ITSN1: variants seen among roughly 807,000 people sequenced by gnomAD.
The protein encoded by ITSN1 is intersectin 1.
Under a neutral mutation model 239.8 loss-of-function variants are expected in ITSN1, and 58 were observed. That is an observed-to-expected ratio of 0.24 (90% CI 0.20 to 0.30). ITSN1 has a LOEUF of 0.30. Among genes scored for constraint, ITSN1 ranks in the 10% least tolerant of loss-of-function variants. The pLI, the probability that ITSN1 is intolerant of heterozygous loss-of-function variation, is 1.00. For synonymous variants in ITSN1, 780 were observed against 770.8 expected (o/e 1.01, Z -0.20); for missense variants, 1,558 against 2,103.3 (o/e 0.74, Z 5.07).
At position 33,689,805 on chromosome 21, in the gene ITSN1, T is replaced by G. The variant is rs141967404; in HGVS notation, c.-32-28992T>G. On this transcript the variant is annotated intron_variant, in intron 1 of 39. Transcript: ENST00000381318. ...CAACATAGTGAAACCCTGTCTCTAC[T>G]GAAAATACAAAAGTTAGCCGGGCAT... Among the ~76,000 whole-genome samples the G allele has an allele frequency of 7.2e-3, 1,083 of 150,248 alleles. 14 individuals are homozygous for G. Among genetic ancestry groups the G allele is most frequent in the African/African-American group, 0.025 (1,028 of 40,804 alleles).
chr21:33,727,325 C>T (rs546046800), intron 4 of ITSN1, among the ~76,000 whole-genome samples: 11 of 151,736 alleles, frequency 7.2e-5, no homozygotes, highest in South Asian at 4.2e-4. Context: ...GAAGAAGAGA[C>T]GGGGTGAAGA....
At chr21:33,784,212 G>A (rs2070438811) in intron 16 of ITSN1, among the ~76,000 whole-genome samples, 1 of 151,940 alleles carries the variant, frequency 6.6e-6, no homozygotes, top group African/African-American at 2.4e-5. Context: ...GGTGGCATGT[G>A]CCTGTAATCC....
chr21:33,846,397 C>T (rs2074991079), intron 29 of ITSN1, among the ~76,000 whole-genome samples: 2 of 152,238 alleles, frequency 1.3e-5, no homozygotes, highest in African/African-American at 4.8e-5. Context: ...TACATAGATA[C>T]TCTTACCTCC....
rs1981349193 is a variant in ITSN1, at chr21:33,865,214, C to A, written c.3954C>A (p.Ile1318=). The A allele has an allele frequency of 6.2e-7, 1 of 1,613,942 alleles. No individual in the cohort carries two copies. Among genetic ancestry groups the A allele is most frequent in the East Asian group, 2.2e-5 (1 of 44,866 alleles). ...TGCCTGTGAAGATGATTGGAGACAT[C>A]CTGAGCGCACAGCTGCCGCACATGC... is the stretch of plus-strand genomic sequence containing the variant. ...EKMPVKMIGD[I]LSAQLPHMQP... Residue 1318 remains isoleucine (I), a synonymous_variant, in exon 32 of 40, where the codon ATC becomes ATA. Coordinates refer to ENST00000381318, the MANE Select transcript of ITSN1 (RefSeq NM_003024.3). The surrounding 1 kb of genome is among the most constrained non-coding windows in gnomAD (Gnocchi z 4.4).
Position 33,888,309 on chromosome 21 carries a change from C to T in ITSN1, c.*9C>T, listed in dbSNP as rs1305997038. 6.8e-6 allele frequency: 11 copies of T among 1,608,976 alleles called. No individual in the cohort carries two copies. The highest frequency in any genetic ancestry group is 9.3e-6 in the Non-Finnish European group (11 of 1,177,404). ...TGTTTGATGAGCCGTAGGCAGCGGGCTCAGGGTGTGCTCAGCAGGGTCCCA... is the reference window on the plus strand; with the variant it reads ...TGTTTGATGAGCCGTAGGCAGCGGGTTCAGGGTGTGCTCAGCAGGGTCCCA... On this transcript the variant is annotated 3_prime_UTR_variant, in exon 40 of 40. Transcript: ENST00000381318.
intron 28 of ITSN1, 69 bp from the exon 29 acceptor site, chr21:33,836,372 G>A: frequency 8.7e-7 from 1 of 1,145,988 alleles, no homozygotes; most frequent in Non-Finnish European, 1.2e-6. Flanking sequence ...AATGTTGAAT[G>A]GCTGCGCGGT....
chr21:33,782,023 T>G lies in ITSN1; in HGVS notation c.1714T>G (p.Leu572Val), dbSNP rs1196716416. Residue 572 changes from leucine to valine, a missense_variant, in exon 16 of 40, where the codon TTA (leucine) becomes GTA (valine). Around this residue, in one of 2 missense-constraint regions of ITSN1, gnomAD observed 982 missense variants for 1,209.9 expected, o/e 0.81. Coordinates refer to ENST00000381318, the MANE Select transcript of ITSN1 (RefSeq NM_003024.3). The part of the protein sequence containing the change: ...RDSLVTLKRA[L>V]EAKELARQHL... ...TTCACTTGTTACACTTAAAAGAGCC[T>G]TAGAAGCAAAAGAACTAGCTCGGCA... The G allele has an allele frequency of 1.9e-6, 3 of 1,612,840 alleles. No homozygotes were observed. The highest frequency in any genetic ancestry group is 1.7e-6 in the Non-Finnish European group (2 of 1,179,698).
intron 1 of ITSN1, among the ~76,000 whole-genome samples, chr21:33,697,399 A>C (rs905658226): frequency 6.6e-6 from 1 of 151,890 alleles, no homozygotes; most frequent in African/African-American, 2.4e-5. Flanking sequence ...TCTCTTCTTT[A>C]GTGACTGTAT....
intron 28 of ITSN1, 128 bp downstream of exon 28, chr21:33,834,552 G>A: frequency 1.5e-6 from 1 of 688,114 alleles, no homozygotes. Context: ...GTACTTGCTG[G>A]GACTGACACC....
In ITSN1 at chr21:33,767,768, A is replaced by C; in HGVS notation, c.982A>C (p.Arg328=). ...SVISSTSVDQ[R]LPEEPVLEDE... ...CATAAGCTCAACATCTGTAGATCAGAGGCTACCAGAGGAACCAGTTTTAGA... is the reference window on the plus strand; with the variant it reads ...CATAAGCTCAACATCTGTAGATCAGCGGCTACCAGAGGAACCAGTTTTAGA... Residue 328 remains arginine, a synonymous_variant, in exon 11 of 40, where the codon AGG becomes CGG. Transcript: ENST00000381318. 6.2e-7 allele frequency: 1 copy of C among 1,613,398 alleles called. No homozygotes were observed. Among genetic ancestry groups the C allele is most frequent in the Non-Finnish European group, 8.5e-7 (1 of 1,179,502 alleles).
chr21:33,794,300 C>T (rs763855995), intron 16 of ITSN1, 41 bp from the exon 17 acceptor site: 8 of 1,389,724 alleles, frequency 5.8e-6, no homozygotes, highest in Non-Finnish European at 8.1e-6. Context: ...ATGTACCTGT[C>T]ACTCATGTCG....
intron 1 of ITSN1, among the ~76,000 whole-genome samples, chr21:33,656,132 G>A (rs770848065): frequency 3.3e-5 from 5 of 152,220 alleles, no homozygotes; most frequent in East Asian, 3.9e-4. Flanking sequence ...TGGCATGATC[G>A]TGTGTCTGAA....
rs73900386 is a variant in ITSN1, at chr21:33,867,430, C to T, written c.4173+99C>T. On this transcript the variant is annotated intron_variant, in intron 33 of 39. Coordinates refer to ENST00000381318, the MANE Select transcript of ITSN1 (RefSeq NM_003024.3). ...GATTCCCAGTGAACATATCTGGTAA[C>T]TGTTGTGTAGAAAGCACGAGACAAC... 0.042 allele frequency: 31,206 copies of T among 745,092 alleles called. 907 individuals carry two copies. Among genetic ancestry groups the T allele is most frequent in the African/African-American group, 0.11 (6,636 of 57,852 alleles). The allele number at this position is 745,092 out of a possible 1,614,324, so 46.2% of individuals were successfully genotyped here. A position where few individuals can be genotyped will look rare whatever the true frequency, so the allele number is the denominator to read the frequency against.
chr21:33,856,067 C>T (rs1384918409), intron 29 of ITSN1, among the ~76,000 whole-genome samples: 2 of 152,238 alleles, frequency 1.3e-5, no homozygotes, highest in Admixed American at 6.5e-5. Context: ...GACCTGGGGC[C>T]AGTCAACCTG....
intron 4 of ITSN1, among the ~76,000 whole-genome samples, chr21:33,732,612 G>A (rs1416969177): frequency 6.6e-6 from 1 of 152,086 alleles, no homozygotes; most frequent in Non-Finnish European, 1.5e-5. Context: ...AAAAAGATTG[G>A]CCTAAATATT....
chr21:33,898,906 CTG>C lies in ITSN1; in HGVS notation c.*10607_*10608del, dbSNP rs1323141734. The C allele has an allele frequency of 1.3e-5, 2 of 152,226 alleles. No homozygotes were observed. The highest frequency in any genetic ancestry group is 2.9e-5 in the Non-Finnish European group (2 of 68,052). The allele number at this position is 152,226 out of a possible 1,614,324, so 9.4% of individuals were successfully genotyped here. A position where few individuals can be genotyped will look rare whatever the true frequency, so the allele number is the denominator to read the frequency against. ...GAATCTATTTAGGTGCATGAATAAT[CTG>C]CAAATCACTTAGAGGCACTGTCCAT... On this transcript the variant is annotated 3_prime_UTR_variant, in exon 40 of 40. Coordinates refer to ENST00000381318, the MANE Select transcript of ITSN1 (RefSeq NM_003024.3).
At chr21:33,792,040 ATACT>A (rs1365286933) in intron 16 of ITSN1, among the ~76,000 whole-genome samples, 4 of 152,132 alleles carry the variant, frequency 2.6e-5, no homozygotes, top group African/African-American at 9.7e-5. Context: ...AAATAAATAA[ATACT>A]TTATTTGTTT....
At chr21:33,721,606 G>T (rs2065485802) in intron 3 of ITSN1, among the ~76,000 whole-genome samples, 1 of 151,712 alleles carries the variant, frequency 6.6e-6, no homozygotes, top group Non-Finnish European at 1.5e-5. Flanking sequence ...AACCAGCCTG[G>T]CCAACATGGT....
intron 16 of ITSN1, among the ~76,000 whole-genome samples, chr21:33,788,624 G>A (rs770209564): frequency 2.0e-5 from 3 of 152,124 alleles, no homozygotes; most frequent in South Asian, 2.1e-4. Flanking sequence ...CCAGCTGCTC[G>A]GGAGGCTGAG....
Sources: allele counts gnomAD v4.1 joint callset (sites outside exome capture counted in the v4.1 genomes callset), GRCh38; gene constraint gnomAD v4.1.1; regional missense constraint gnomAD v4.1.1; non-coding constraint Gnocchi (gnomAD v3.1); transcripts MANE v1.5; gene names NCBI Gene and HGNC (gene_info 2026-07-23, HGNC 2026-07-21).